LCMT2: variants seen among roughly 807,000 people sequenced by gnomAD.
LCMT2 encodes the protein leucine carboxyl methyltransferase 2.
In LCMT2, 34 loss-of-function variants were observed where a neutral mutation model predicts 42.0. That is an observed-to-expected ratio of 0.81 (90% confidence interval 0.62 to 1.08). The LOEUF is 1.08. LCMT2 is among the 50% of genes least tolerant of loss of function. The pLI is 0.00. For synonymous variants in LCMT2, 445 were observed against 369.5 expected, an observed-to-expected ratio of 1.20 and a Z score of -2.34; for missense variants, 1,091 against 889.4, an observed-to-expected ratio of 1.23 and a Z score of -2.88.
chr15:43,330,433 G>C lies in LCMT2; in HGVS notation c.57C>G (p.Ser19Arg), dbSNP rs1338988714. ...RAGAVQNTNDSSALSKRSLAA... is the reference protein window; with the variant it reads ...RAGAVQNTNDRSALSKRSLAA... ...CCAGGGAACGCTTGCTGAGGGCGCT[G>C]CTGTCGTTGGTGTTCTGTACCGCGC... Residue 19 changes from serine (S) to arginine (R), a missense_variant, in exon 1 of 1, where the codon AGC (serine) becomes AGG (arginine). Coordinates refer to ENST00000305641, the MANE Select transcript of LCMT2 (RefSeq NM_014793.5). 2 of 1,557,082 alleles carry C rather than the reference G, an allele frequency of 1.3e-6. No individual in the cohort carries two copies. The highest frequency in any genetic ancestry group is 1.4e-5 in the African/African-American group (1 of 72,420).
chr15:43,324,443 C>G lies in LCMT2; in HGVS notation c.*3986G>C, dbSNP rs963583904. Reference sequence around the variant, plus strand: ...ACCAGCCTGACCAACATGGTGAAACCCCATCTCTACTAAAAATAAATAAAA... The same window carrying G: ...ACCAGCCTGACCAACATGGTGAAACGCCATCTCTACTAAAAATAAATAAAA... On this transcript the variant is annotated 3_prime_UTR_variant, in exon 1 of 1. Transcript: ENST00000305641. The G allele has an allele frequency of 2.6e-5, 4 of 151,840 alleles. No individual in the cohort carries two copies. The highest frequency in any genetic ancestry group is 9.7e-5 in the African/African-American group (4 of 41,296). 9.4% of individuals were successfully genotyped at this position (151,840 alleles called of 1,614,324 possible). A position where few individuals can be genotyped will look rare whatever the true frequency, so the allele number is the denominator to read the frequency against.
chr15:43,328,564 G>T lies in LCMT2; in HGVS notation c.1926C>A (p.Asn642Lys), dbSNP rs369071650. The T allele has an allele frequency of 9.0e-5, 146 of 1,614,098 alleles. No individual in the cohort carries two copies. The highest frequency in any genetic ancestry group is 1.2e-4 in the Non-Finnish European group (140 of 1,180,060). The change falls in exon 1 of 1, where the codon AAC (asparagine) becomes AAA (lysine). Residue 642 changes from asparagine (N) to lysine (K), a missense_variant. Physicochemically the swap from Asn to Lys is moderately conservative, Grantham distance 94 (BLOSUM62 0). Transcript: ENST00000305641. ...CTTCAGGAAGAAGGATACTAGTATG[G>T]TTGTGTAACATTAATGGCCATGGCA... Reference protein sequence around the residue: ...TYVPWPLMLHNHTSILLPEEQ... With the variant: ...TYVPWPLMLHKHTSILLPEEQ...
rs780699796 is a variant in LCMT2 at position 43,330,075 on chromosome 15, A to C, written c.415T>G (p.Phe139Val). 1 of 1,612,198 alleles carries C rather than the reference A, an allele frequency of 6.2e-7. No homozygotes were observed. The highest frequency in any genetic ancestry group is 1.1e-5 in the South Asian group (1 of 91,076). ...TPELCALTGP[F>V]ERGEPASALC... is the part of the protein sequence containing the mutation. ...GCGGACGCGGGCTCCCCCCTCTCGA[A>C]AGGCCCGGTTAACGCGCACAGCTCT... Residue 139 changes from phenylalanine (F) to valine (V), a missense_variant, in exon 1 of 1, where the codon TTC becomes GTC. By Grantham distance (50) the Phe-to-Val change is conservative. Coordinates refer to ENST00000305641, the MANE Select transcript of LCMT2 (RefSeq NM_014793.5).
chr15:43,328,444 T>G lies in LCMT2; in HGVS notation c.2046A>C (p.Leu682Phe). The change falls in exon 1 of 1, where the codon TTA becomes TTC. Residue 682 changes from leucine (L) to phenylalanine (F), a missense_variant. Physicochemically the swap from Leu to Phe is conservative, Grantham distance 22 (BLOSUM62 0). Transcript: ENST00000305641. ...PHTVTLDLSS[L>F]SAGQ ...AGTCCAGTCCTTACTGCCCAGCACTTAAGGAAGAAAGGTCTAATGTGACTG... is the reference window on the plus strand; with the variant it reads ...AGTCCAGTCCTTACTGCCCAGCACTGAAGGAAGAAAGGTCTAATGTGACTG... 6.2e-7 allele frequency: 1 copy of G among 1,613,676 alleles called. No homozygotes were observed. The highest frequency in any genetic ancestry group is 8.5e-7 in the Non-Finnish European group (1 of 1,179,796).
rs1013473130 is a variant in LCMT2, at chr15:43,330,349, G to A, written c.141C>T (p.Arg47=). Residue 47 remains arginine (R), a synonymous_variant, in exon 1 of 1, where the codon CGC becomes CGT. Coordinates refer to ENST00000305641, the MANE Select transcript of LCMT2 (RefSeq NM_014793.5). The part of the protein sequence containing the change: ...FAALLVPGAA[R]RAPLIHRGYY... ...AGCCTCGGTGAATGAGCGGTGCGCG[G>A]CGCGCCGCGCCCGGAACCAGCAACG... is the stretch of plus-strand genomic sequence containing the variant. The A allele has an allele frequency of 5.0e-6, 8 of 1,601,776 alleles. No individual in the cohort carries two copies. Among genetic ancestry groups the A allele is most frequent in the Non-Finnish European group, 5.1e-6 (6 of 1,178,008 alleles).
chr15:43,329,546 T>A lies in LCMT2; in HGVS notation c.944A>T (p.Asp315Val). The A allele has an allele frequency of 6.2e-7, 1 of 1,614,066 alleles. No individual in the cohort carries two copies. The highest frequency in any genetic ancestry group is 8.5e-7 in the Non-Finnish European group (1 of 1,180,002). Residue 315 changes from aspartate to valine, a missense_variant, in exon 1 of 1, where the codon GAC (aspartate) becomes GTC (valine). Physicochemically the swap from Asp to Val is radical, Grantham distance 152. Transcript: ENST00000305641. ...AAACACTAGGGTGTGGGAGAGGGTG[T>A]CTCCCCTAGAAGCTGCCAGAATGAA... ...HYFILAASRG[D>V]TLSHTLVFPS... is the part of the protein sequence containing the mutation.
Position 43,329,275 on chromosome 15 carries a change from T to C in LCMT2, c.1215A>G (p.Ile405Met). 6.2e-7 allele frequency: 1 copy of C among 1,614,052 alleles called. No individual in the cohort carries two copies. ...DCDSEWKGSQ[I>M]GSCGTGVQWD... ...ACTGAACTCCAGTCCCACAACTGCC[T>C]ATTTGGCTGCCTTTCCATTCAGAGT... Residue 405 changes from isoleucine (I) to methionine (M), a missense_variant, in exon 1 of 1, where the codon ATA (isoleucine) becomes ATG (methionine). Ile to Met is a conservative substitution (Grantham distance 10, BLOSUM62 1). Transcript: ENST00000305641.
chr15:43,327,113 A>T lies in LCMT2; in HGVS notation c.*1316T>A, dbSNP rs2043122403. 1 of 152,258 alleles carries T rather than the reference A, an allele frequency of 6.6e-6. No homozygotes were observed. The highest frequency in any genetic ancestry group is 1.5e-5 in the Non-Finnish European group (1 of 68,044). 9.4% of individuals were successfully genotyped at this position (152,258 alleles called of 1,614,324 possible). On this transcript the variant is annotated 3_prime_UTR_variant, in exon 1 of 1. Coordinates refer to ENST00000305641, the MANE Select transcript of LCMT2 (RefSeq NM_014793.5). ...GATCTCACATGGCTCACTAGGCAAC[A>T]GATTCCCATTTAAAAGGGATAATTG... is the stretch of plus-strand genomic sequence containing the variant.
At position 43,330,218 on chromosome 15, in the gene LCMT2, C is replaced by G. The variant is rs768626974; in HGVS notation, c.272G>C (p.Gly91Ala). Residue 91 changes from glycine (G) to alanine (A), a missense_variant, in exon 1 of 1, where the codon GGC (glycine) becomes GCC (alanine). Transcript: ENST00000305641. ...LRAQILSLGAGFDSLYFRLKT... is the reference protein window; with the variant it reads ...LRAQILSLGAAFDSLYFRLKT... ...TAAGCGAAAATAGAGCGAGTCGAAG[C>G]CAGCGCCGAGAGACAAGATCTGCGC... 6.2e-7 allele frequency: 1 copy of G among 1,611,060 alleles called. No individual in the cohort carries two copies. Among genetic ancestry groups the G allele is most frequent in the Non-Finnish European group, 8.5e-7 (1 of 1,179,756 alleles).
rs988689112 is a variant in LCMT2, at chr15:43,329,516, G to A, written c.974C>T (p.Ser325Phe). ...DTLSHTLVFP[S>F]SEAFPRVNPA... ...ATTTACGCGAGGAAATGCCTCTGAG[G>A]ATGGAAACACTAGGGTGTGGGAGAG... The change falls in exon 1 of 1, where the codon TCC becomes TTC. Residue 325 changes from serine to phenylalanine, a missense_variant. Physicochemically the swap from Ser to Phe is radical, Grantham distance 155. Coordinates refer to ENST00000305641, the MANE Select transcript of LCMT2 (RefSeq NM_014793.5). The A allele has an allele frequency of 2.5e-6, 4 of 1,614,224 alleles. No individual in the cohort carries two copies. The highest frequency in any genetic ancestry group is 1.7e-5 in the Admixed American group (1 of 60,028).
In LCMT2 at chr15:43,329,261, G is replaced by A; in HGVS notation, c.1229C>T (p.Thr410Ile). 1 of 1,613,998 alleles carries A rather than the reference G, an allele frequency of 6.2e-7. No individual in the cohort carries two copies. Among genetic ancestry groups the A allele is most frequent in the Non-Finnish European group, 8.5e-7 (1 of 1,180,036 alleles). ...WKGSQIGSCG[T>I]GVQWDGRLYH... ...AAGGCGTCCATCCCACTGAACTCCA[G>A]TCCCACAACTGCCTATTTGGCTGCC... The change falls in exon 1 of 1, where the codon ACT (threonine) becomes ATT (isoleucine). Residue 410 changes from threonine to isoleucine, a missense_variant. By Grantham distance (89) the Thr-to-Ile change is moderately conservative (BLOSUM62 -1). Coordinates refer to ENST00000305641, the MANE Select transcript of LCMT2 (RefSeq NM_014793.5).
At position 43,329,880 on chromosome 15, in the gene LCMT2, C is replaced by A. The variant is rs1272173197; in HGVS notation, c.610G>T (p.Ala204Ser). 1.2e-6 allele frequency: 2 copies of A among 1,613,374 alleles called. No homozygotes were observed. Among genetic ancestry groups the A allele is most frequent in the Admixed American group, 1.7e-5 (1 of 60,016 alleles). Residue 204 changes from alanine (A) to serine (S), a missense_variant, in exon 1 of 1, where the codon GCC (alanine) becomes TCC (serine). Physicochemically the swap from Ala to Ser is moderately conservative, Grantham distance 99. Transcript: ENST00000305641. Reference protein sequence around the residue: ...LEPESAAALIAWAAQRFPNAL... With the variant: ...LEPESAAALISWAAQRFPNAL... ...TTAGGAAAACGCTGGGCTGCCCAGG[C>A]GATGAGGGCCGCGGCACTCTCCGGC... is the stretch of plus-strand genomic sequence containing the variant.
At position 43,329,988 on chromosome 15, in the gene LCMT2, C is replaced by G; in HGVS notation, c.502G>C (p.Val168Leu). The stretch of plus-strand genomic sequence containing the variant: ...CCCGCGGCGCCCAGGGCCTCCTCCA[C>G]TCGCTGGAGCTGCCGCAAGTCCAGA... The part of the protein sequence containing the change: ...LGLDLRQLQR[V>L]EEALGAAGLD... Residue 168 changes from valine to leucine, a missense_variant, in exon 1 of 1, where the codon GTG (valine) becomes CTG (leucine). Transcript: ENST00000305641. The G allele has an allele frequency of 6.2e-7, 1 of 1,612,520 alleles. No individual in the cohort carries two copies.
chr15:43,328,261 AG>A lies in LCMT2; in HGVS notation c.*167del. 1.5e-6 allele frequency: 1 copy of A among 668,234 alleles called. No homozygotes were observed. The highest frequency in any genetic ancestry group is 2.5e-6 in the Non-Finnish European group (1 of 400,020). 41.4% of individuals were successfully genotyped at this position (668,234 alleles called of 1,614,324 possible). On this transcript the variant is annotated 3_prime_UTR_variant, in exon 1 of 1. Transcript: ENST00000305641. ...GCTGTTTTCTGTAGTGATTGTTTCT[AG>A]GTATTTTACCTATTTTACCAACCTT...
rs1390208502 is a variant in LCMT2, at chr15:43,327,112, C to T, written c.*1317G>A. On this transcript the variant is annotated 3_prime_UTR_variant, in exon 1 of 1. Coordinates refer to ENST00000305641, the MANE Select transcript of LCMT2 (RefSeq NM_014793.5). ...TGATCTCACATGGCTCACTAGGCAA[C>T]AGATTCCCATTTAAAAGGGATAATT... The T allele has an allele frequency of 6.6e-6, 1 of 152,174 alleles. No homozygotes were observed. The highest frequency in any genetic ancestry group is 1.5e-5 in the Non-Finnish European group (1 of 68,024). 9.4% of individuals were successfully genotyped at this position (152,174 alleles called of 1,614,324 possible). A position where few individuals can be genotyped will look rare whatever the true frequency, so the allele number is the denominator to read the frequency against.
rs1036496442 is a variant in LCMT2, at chr15:43,330,538, C to T, written c.-49G>A. On this transcript the variant is annotated 5_prime_UTR_variant, in exon 1 of 1. Transcript: ENST00000305641. ...CAGTCTGTCACGGTTGTGAGCCGCC[C>T]CTTGGTTAGCACACACCTCACGGAC... The T allele has an allele frequency of 6.6e-7, 1 of 1,504,910 alleles. No homozygotes were observed. Among genetic ancestry groups the T allele is most frequent in the Non-Finnish European group, 8.8e-7 (1 of 1,130,900 alleles). 93.2% of individuals were successfully genotyped at this position (1,504,910 alleles called of 1,614,324 possible).
rs77106099 is a variant in LCMT2 at position 43,330,277 on chromosome 15, C to T, written c.213G>A (p.Leu71=). Residue 71 remains leucine (L), a synonymous_variant, in exon 1 of 1, where the codon TTG becomes TTA. Transcript: ENST00000305641. The stretch of plus-strand genomic sequence containing the variant: ...CGGCCTGGGGCGCGCCAATCTGCTC[C>T]AAAAAAGCGCGCACGCAGTGCCTCA... ...RAVRHCVRAF[L]EQIGAPQAAL... is the part of the protein sequence containing the mutation. 4 of 1,595,428 alleles carry T rather than the reference C, an allele frequency of 2.5e-6. No homozygotes were observed. Among genetic ancestry groups the T allele is most frequent in the East Asian group, 2.2e-5 (1 of 44,782 alleles).
In LCMT2 at chr15:43,330,263, G is replaced by T; in HGVS notation, c.227C>A (p.Ala76Glu). ...CTGCGCGCGAAGCGCGGCCTGGGGC[G>T]CGCCAATCTGCTCCAAAAAAGCGCG... ...CVRAFLEQIGAPQAALRAQIL... is the reference protein window; with the variant it reads ...CVRAFLEQIGEPQAALRAQIL... The change falls in exon 1 of 1, where the codon GCG (alanine) becomes GAG (glutamate). Residue 76 changes from alanine (A) to glutamate (E), a missense_variant. Ala to Glu is a moderately radical substitution (Grantham distance 107). Coordinates refer to ENST00000305641, the MANE Select transcript of LCMT2 (RefSeq NM_014793.5). 1 of 1,600,804 alleles carries T rather than the reference G, an allele frequency of 6.2e-7. No homozygotes were observed.
At position 43,327,188 on chromosome 15, in the gene LCMT2, C is replaced by T. The variant is rs1392179014; in HGVS notation, c.*1241G>A. ...GGGGCTGAGTAGGGTTAAGGGAAAC[C>T]AAGTCAAGATATCCAGTCAGCAGTG... is the stretch of plus-strand genomic sequence containing the variant. On this transcript the variant is annotated 3_prime_UTR_variant, in exon 1 of 1. Transcript: ENST00000305641. 3 of 152,096 alleles carry T rather than the reference C, an allele frequency of 2.0e-5. No homozygotes were observed. Among genetic ancestry groups the T allele is most frequent in the Non-Finnish European group, 4.4e-5 (3 of 68,006 alleles). The allele number at this position is 152,096 out of a possible 1,614,324, so 9.4% of individuals were successfully genotyped here. A position where few individuals can be genotyped will look rare whatever the true frequency, so the allele number is the denominator to read the frequency against.
Sources: allele counts gnomAD v4.1 joint callset, GRCh38; gene constraint gnomAD v4.1.1; transcripts MANE v1.5; gene names NCBI Gene and HGNC (gene_info 2026-07-23, HGNC 2026-07-21).